The following KCNT2 variants were observed in gnomAD, a reference collection of about 807,000 sequenced individuals.
The protein encoded by KCNT2 is potassium channel subfamily T member 2.
In KCNT2, 67 loss-of-function variants were observed where a neutral mutation model predicts 153.8. That is an observed-to-expected ratio of 0.44 (90% CI 0.36 to 0.53). The LOEUF is 0.53. Ranked by LOEUF, KCNT2 falls within the 20% of genes least tolerant of loss-of-function variation. The probability of loss-of-function intolerance (pLI) is 0.00; values close to 1 mark genes in which losing one functional copy is unlikely to be tolerated. For synonymous variants in KCNT2, 500 were observed against 458.8 expected, an observed-to-expected ratio of 1.09 and a Z score of -1.15; for missense variants, 975 against 1,354.8, an observed-to-expected ratio of 0.72 and a Z score of 4.40.
At chr1:196,279,741 T>G (rs1658916491) in intron 25 of KCNT2, among the ~76,000 whole-genome samples, 1 of 151,930 alleles carries the variant, frequency 6.6e-6, no homozygotes, top group African/African-American at 2.4e-5. Context: ...TAGCTCCATT[T>G]AACACTCCTG....
Position 196,300,274 on chromosome 1 carries a change from T to C in KCNT2, c.2595+4960A>G, listed in dbSNP as rs563717336. 2.6e-5 allele frequency among the ~76,000 whole-genome samples: 4 copies of C among 152,324 alleles called. No individual in the cohort carries two copies. In the South Asian group the frequency reaches 6.2e-4, roughly 24 times the overall value. On this transcript the variant is annotated intron_variant, in intron 22 of 27. Coordinates refer to ENST00000294725, the MANE Select transcript of KCNT2 (RefSeq NM_198503.5). ...TCAATGAACTTCACAATATTTTTCA[T>C]ATTGTTGTTATGAACTAGTTATCCT...
At chr1:196,298,903 G>C (rs75136392) in intron 22 of KCNT2, among the ~76,000 whole-genome samples, 2 of 150,668 alleles carry the variant, frequency 1.3e-5, no homozygotes, top group African/African-American at 4.9e-5. Flanking sequence ...CAAAGACCAA[G>C]TATTTATTTT....
At chr1:196,229,423 G>T (rs760093594) in intron 27 of KCNT2, among the ~76,000 whole-genome samples, 1 of 151,948 alleles carries the variant, frequency 6.6e-6, no homozygotes, top group Non-Finnish European at 1.5e-5. Flanking sequence ...CCACCAACTG[G>T]CTATTCCCTC....
At chr1:196,276,767 T>G (rs1044272773) in intron 25 of KCNT2, among the ~76,000 whole-genome samples, 1 of 152,108 alleles carries the variant, frequency 6.6e-6, no homozygotes, top group Non-Finnish European at 1.5e-5. Context: ...AATTTGAAAA[T>G]AATACTCTTT....
At chr1:196,316,342 G>C (rs1043774772) in intron 20 of KCNT2, among the ~76,000 whole-genome samples, 26 of 151,344 alleles carry the variant, frequency 1.7e-4, no homozygotes, top group African/African-American at 6.3e-4. Flanking sequence ...CAATAAAATA[G>C]AGCATATTAG....
chr1:196,325,086 A>G (rs1663707168), intron 19 of KCNT2, among the ~76,000 whole-genome samples: 1 of 152,080 alleles, frequency 6.6e-6, no homozygotes, highest in Non-Finnish European at 1.5e-5. Context: ...GAAAATGAGG[A>G]GTCCATCTCT....
chr1:196,425,938 T>C lies in KCNT2; in HGVS notation c.1035A>G (p.Arg345=). ...ACCACATTGGAATCTGCAGTACCCT[T>C]CGAACCTGTACATCCATTTCAGTAG... ...LCPTEMDVQV[R]RVLQIPMWSQ... Residue 345 remains arginine, a synonymous_variant, in exon 11 of 28, where the codon CGA becomes CGG. Transcript: ENST00000294725. The C allele has an allele frequency of 6.2e-7, 1 of 1,612,314 alleles. No homozygotes were observed. Among genetic ancestry groups the C allele is most frequent in the Non-Finnish European group, 8.5e-7 (1 of 1,178,852 alleles).
chr1:196,504,927 G>A (rs1417391717), intron 1 of KCNT2, among the ~76,000 whole-genome samples: 3 of 152,156 alleles, frequency 2.0e-5, no homozygotes, highest in African/African-American at 7.2e-5. Context: ...CTTTTTGATG[G>A]GGTTGTTTGT....
chr1:196,279,423 T>TC (rs552476436), intron 25 of KCNT2, among the ~76,000 whole-genome samples: 87 of 147,508 alleles, frequency 5.9e-4, no homozygotes, highest in Admixed American at 2.7e-3. Flanking sequence ...ATTAAAAAAT[T>TC]TTTTTTTATT....
At chr1:196,442,816 TACA>T (rs559208131) in intron 8 of KCNT2, among the ~76,000 whole-genome samples, 2,366 of 151,834 alleles carry the variant, frequency 0.016, 32 homozygotes, top group Non-Finnish European at 0.022. Context: ...GCTTTGCCTA[TACA>T]ACAAGACACG....
intron 1 of KCNT2, among the ~76,000 whole-genome samples, chr1:196,561,958 G>A (rs1387885819): frequency 6.6e-6 from 1 of 151,892 alleles, no homozygotes; most frequent in Non-Finnish European, 1.5e-5. Context: ...TCATAGAAGG[G>A]AGTGTCTGGG....
intron 24 of KCNT2, among the ~76,000 whole-genome samples, chr1:196,281,338 T>A (rs1157958134): frequency 2.0e-5 from 3 of 152,178 alleles, no homozygotes; most frequent in Non-Finnish European, 4.4e-5. Context: ...CAGTAGGCAA[T>A]AGAGCACTGG....
At chr1:196,266,150 A>G (rs1657519248) in intron 25 of KCNT2, among the ~76,000 whole-genome samples, 1 of 152,196 alleles carries the variant, frequency 6.6e-6, no homozygotes, top group South Asian at 2.1e-4. Context: ...TTATAAAGGC[A>G]GGTAAGTTTG....
At chr1:196,592,128 G>A (rs764044804) in intron 1 of KCNT2, among the ~76,000 whole-genome samples, 2 of 151,892 alleles carry the variant, frequency 1.3e-5, no homozygotes, top group African/African-American at 2.4e-5. Flanking sequence ...TCCATCAACC[G>A]ATGAATGGAT....
At position 196,428,277 on chromosome 1, in the gene KCNT2, A is replaced by G. The variant is rs369296659; in HGVS notation, c.820-8T>C. Reference sequence around the variant, plus strand: ...ATAAGCCAGCTGTTCAAACTGTAATATATTTTCCACATGTGAATGAAAAAC... The same window carrying G: ...ATAAGCCAGCTGTTCAAACTGTAATGTATTTTCCACATGTGAATGAAAAAC... On this transcript the variant is annotated splice_region_variant and splice_polypyrimidine_tract_variant and intron_variant, in intron 9 of 27. Transcript: ENST00000294725. The G allele has an allele frequency of 1.2e-6, 2 of 1,605,694 alleles. No individual in the cohort carries two copies. Among genetic ancestry groups the G allele is most frequent in the Non-Finnish European group, 1.7e-6 (2 of 1,173,506 alleles).
At chr1:196,375,941 T>C (rs1459802755) in intron 13 of KCNT2, among the ~76,000 whole-genome samples, 1 of 151,882 alleles carries the variant, frequency 6.6e-6, no homozygotes, top group African/African-American at 2.4e-5. Context: ...GATAATAATC[T>C]TTATTTGCAT....
intron 14 of KCNT2, among the ~76,000 whole-genome samples, chr1:196,351,128 T>C (rs9725530): frequency 0.22 from 33,795 of 151,964 alleles, 5,368 homozygotes; most frequent in African/African-American, 0.45. Flanking sequence ...AGTTTGAAGT[T>C]AGGTAGCGTG....
At chr1:196,553,623 C>A in intron 1 of KCNT2, among the ~76,000 whole-genome samples, 1 of 151,080 alleles carries the variant, frequency 6.6e-6, no homozygotes, top group East Asian at 1.9e-4. Flanking sequence ...TTAATGTGCA[C>A]TATAGAGCAA....
At chr1:196,409,099 C>T (rs1001712670) in intron 12 of KCNT2, among the ~76,000 whole-genome samples, 56 of 148,680 alleles carry the variant, frequency 3.8e-4, no homozygotes, top group East Asian at 2.0e-4. Flanking sequence ...TGCATTGATC[C>T]TTTACTCAAT....
Sources: gnomAD v4.1 joint callset for allele counts (sites outside exome capture counted in the v4.1 genomes callset) on GRCh38, gnomAD v4.1.1 for gene constraint, MANE v1.5 for transcripts, NCBI Gene and HGNC (gene_info 2026-07-23, HGNC 2026-07-21) for gene names.